The following ANKRD17 variants were observed in gnomAD, a reference collection of about 807,000 sequenced individuals.
The protein encoded by ANKRD17 is ankyrin repeat domain-containing protein 17.
Under a neutral mutation model 229.7 loss-of-function variants are expected in ANKRD17, and 19 were observed. The observed-to-expected ratio is 0.08, with a 90% confidence interval of 0.06 to 0.12. The LOEUF is 0.12. ANKRD17 is among the 10% of genes least tolerant of loss of function. ANKRD17 has a pLI of 1.00. For missense variants in ANKRD17, 2,176 were observed against 3,176.8 expected (o/e 0.68, Z 7.57); for synonymous variants, 1,112 against 1,146.1 (o/e 0.97, Z 0.60).
chr4:73,143,941 G>A (rs1386879088), intron 11 of ANKRD17, among the ~76,000 whole-genome samples: 1 of 152,032 alleles, frequency 6.6e-6, no homozygotes, highest in Admixed American at 6.6e-5. Context: ...GAATCTCACT[G>A]TGTTGTCCAG....
intron 30 of ANKRD17, among the ~76,000 whole-genome samples, chr4:73,079,889 C>A (rs943388925): frequency 6.6e-6 from 1 of 152,038 alleles, no homozygotes; most frequent in African/African-American, 2.4e-5. Context: ...CCAAGGCGGG[C>A]GGATCATGGG....
intron 22 of ANKRD17, among the ~76,000 whole-genome samples, 174 bp from the exon 23 acceptor site, chr4:73,116,090 T>C (rs1236644002): frequency 6.6e-6 from 1 of 152,042 alleles, no homozygotes; most frequent in Non-Finnish European, 1.5e-5. Flanking sequence ...AAATCCACAT[T>C]GATCATTCTC....
At chr4:73,151,384 C>T in intron 7 of ANKRD17, 46 bp downstream of exon 7, 2 of 1,563,710 alleles carry the variant, frequency 1.3e-6, no homozygotes, top group South Asian at 1.1e-5. Context: ...CTCTGTCTCT[C>T]CCTGGTTAAT....
At chr4:73,124,739 C>T (rs1028315049) in intron 18 of ANKRD17, among the ~76,000 whole-genome samples, 174 bp downstream of exon 18, 2 of 152,078 alleles carry the variant, frequency 1.3e-5, no homozygotes, top group South Asian at 4.1e-4. Flanking sequence ...ATTTTTCTGG[C>T]AAGATAGCTT....
chr4:73,231,869 A>G (rs1032632057), intron 1 of ANKRD17, among the ~76,000 whole-genome samples: 2 of 152,180 alleles, frequency 1.3e-5, no homozygotes, highest in African/African-American at 4.8e-5. Flanking sequence ...GTCTCCATAA[A>G]CGCCTATAAG....
intron 1 of ANKRD17, among the ~76,000 whole-genome samples, chr4:73,196,573 T>C (rs892416058): frequency 2.6e-5 from 4 of 152,204 alleles, no homozygotes; most frequent in Non-Finnish European, 2.9e-5. Flanking sequence ...CATATACTTA[T>C]GTCTGATTTT....
intron 1 of ANKRD17, among the ~76,000 whole-genome samples, chr4:73,252,409 A>C (rs1031614886): frequency 6.6e-6 from 1 of 152,212 alleles, no homozygotes; most frequent in Non-Finnish European, 1.5e-5. Flanking sequence ...CTTAGTTAGA[A>C]GCAGTTTCCA....
intron 20 of ANKRD17, among the ~76,000 whole-genome samples, 158 bp downstream of exon 20, chr4:73,120,709 TATTTTCAAGAGTTA>T (rs1011546234): frequency 2.3e-4 from 35 of 152,172 alleles, no homozygotes; most frequent in Non-Finnish European, 4.6e-4. Flanking sequence ...ATCACTCAGG[TATTTTCAAGAGTTA>T]ATGTTTGACT....
Position 73,085,438 on chromosome 4 carries a change from T to C in ANKRD17, c.6970A>G (p.Asn2324Asp), listed in dbSNP as rs1208534761. The change falls in exon 30 of 34, where the codon AAT becomes GAT. Residue 2324 changes from asparagine to aspartate, a missense_variant. By Grantham distance (23) the Asn-to-Asp change is conservative (BLOSUM62 1). Coordinates refer to ENST00000358602, the MANE Select transcript of ANKRD17 (RefSeq NM_032217.5). ...RPAPSPSGIV[N>D]MDSPYGSVTP... is the part of the protein sequence containing the mutation. ...ACAGAACCATATGGCGAGTCCATAT[T>C]GACAATACCTATAATGTAGAAGGTC... 4.3e-6 allele frequency: 7 copies of C among 1,612,468 alleles called. No homozygotes were observed. Among genetic ancestry groups the C allele is most frequent in the Non-Finnish European group, 4.2e-6 (5 of 1,178,510 alleles).
intron 24 of ANKRD17, among the ~76,000 whole-genome samples, chr4:73,108,915 T>C (rs1419687296): frequency 6.6e-6 from 1 of 151,766 alleles, no homozygotes; most frequent in Non-Finnish European, 1.5e-5. Context: ...GGGAAAAAAA[T>C]AGGAGAAAGA....
intron 25 of ANKRD17, chr4:73,099,051 C>G: frequency 2.1e-6 from 2 of 965,824 alleles, no homozygotes; most frequent in Non-Finnish European, 3.3e-6. Context: ...AAAACCACCA[C>G]AACTCCAGGA....
At position 73,076,094 on chromosome 4, in the gene ANKRD17, T is replaced by C. The variant is rs536313128; in HGVS notation, c.*137A>G. ...TGTTCACAGAAAATAGGTCAGTTAG[T>C]AAGATCTTCTGCAAAAAGCCTACAC... On this transcript the variant is annotated 3_prime_UTR_variant, in exon 34 of 34. Coordinates refer to ENST00000358602, the MANE Select transcript of ANKRD17 (RefSeq NM_032217.5). 1.8e-6 allele frequency: 1 copy of C among 556,066 alleles called. No homozygotes were observed. The highest frequency in any genetic ancestry group is 3.4e-5 in the East Asian group (1 of 29,278). The allele number at this position is 556,066 out of a possible 1,614,324, so 34.4% of individuals were successfully genotyped here. A position where few individuals can be genotyped will look rare whatever the true frequency, so the allele number is the denominator to read the frequency against.
intron 11 of ANKRD17, 109 bp from the exon 12 acceptor site, chr4:73,142,876 C>A (rs1729784699): frequency 8.2e-7 from 1 of 1,214,002 alleles, no homozygotes; most frequent in Non-Finnish European, 1.1e-6. Flanking sequence ...TGAGGCTCCA[C>A]ATACCCATTA....
At chr4:73,155,385 C>T (rs1731532545) in intron 5 of ANKRD17, among the ~76,000 whole-genome samples, 2 of 152,204 alleles carry the variant, frequency 1.3e-5, no homozygotes, top group Non-Finnish European at 2.9e-5. Context: ...GTCCATCTAA[C>T]TGGGTCAGTG....
rs1560664266 is a variant in ANKRD17, at chr4:73,179,234, T to G, written c.394-1701A>C. ...AAGCAGTTTAACGTGGAATAACATT[T>G]GAGATTTCAAATATTTTATACACAA... On this transcript the variant is annotated intron_variant, in intron 1 of 33. Coordinates refer to ENST00000358602, the MANE Select transcript of ANKRD17 (RefSeq NM_032217.5). Among the ~76,000 whole-genome samples, 4 of 151,768 alleles carry G rather than the reference T, an allele frequency of 2.6e-5. No homozygotes were observed. In the South Asian group the frequency reaches 8.3e-4, roughly 32 times the overall value.
chr4:73,125,381 C>A, intron 16 of ANKRD17, 69 bp from the exon 17 acceptor site: 2 of 1,052,498 alleles, frequency 1.9e-6, no homozygotes, highest in Admixed American at 4.1e-5. Context: ...ACATAATATG[C>A]AAACATATCA....
intron 1 of ANKRD17, among the ~76,000 whole-genome samples, chr4:73,213,892 A>G (rs1179930209): frequency 6.6e-6 from 1 of 152,184 alleles, no homozygotes; most frequent in Non-Finnish European, 1.5e-5. Flanking sequence ...CCAAAGTGAT[A>G]CCTGTGAAAG....
At chr4:73,162,056 C>CA (rs1398480596) in intron 2 of ANKRD17, among the ~76,000 whole-genome samples, 39 of 138,214 alleles carry the variant, frequency 2.8e-4, no homozygotes, top group Admixed American at 6.6e-4. Context: ...TTCTCTCTCT[C>CA]TTTTTTTTTT....
At chr4:73,131,993 C>A (rs1366635628) in intron 16 of ANKRD17, among the ~76,000 whole-genome samples, 1 of 152,064 alleles carries the variant, frequency 6.6e-6, no homozygotes, top group African/African-American at 2.4e-5. Context: ...TATGTAAGAG[C>A]CCACAAAATT....
Sources: gnomAD v4.1 joint callset for allele counts (sites outside exome capture counted in the v4.1 genomes callset) on GRCh38, gnomAD v4.1.1 for gene constraint, MANE v1.5 for transcripts, NCBI Gene and HGNC (gene_info 2026-07-23, HGNC 2026-07-21) for gene names.